The following HERPUD2 variants were observed in gnomAD, a reference collection of about 807,000 sequenced individuals.
HERPUD2 encodes homocysteine-responsive endoplasmic reticulum-resident ubiquitin-like domain member 2 protein.
HERPUD2 carries 13 observed loss-of-function variants against 49.9 expected under a neutral mutation model. The ratio of observed to expected loss-of-function variants is 0.26; its 90% CI spans 0.17 to 0.41. The LOEUF is 0.41. Ranked by LOEUF, HERPUD2 falls within the 10% of genes least tolerant of loss-of-function variation. The probability of loss-of-function intolerance (pLI) is 1.00; values close to 1 mark genes in which losing one functional copy is unlikely to be tolerated. For missense variants in HERPUD2, 449 were observed against 492.2 expected, an observed-to-expected ratio of 0.91 and a Z score of 0.83; for synonymous variants, 172 against 171.4, an observed-to-expected ratio of 1.00 and a Z score of -0.03.
intron 5 of HERPUD2, among the ~76,000 whole-genome samples, chr7:35,652,825 G>C (rs1446085924): frequency 6.6e-6 from 1 of 152,014 alleles, no homozygotes; most frequent in Admixed American, 6.6e-5. Flanking sequence ...ACAAGAAAAA[G>C]CTGAAGGAAC....
In HERPUD2 at chr7:35,633,631, G is replaced by A. The variant is rs1200433907; in HGVS notation, c.*59C>T. On this transcript the variant is annotated 3_prime_UTR_variant, in exon 9 of 9. Coordinates refer to ENST00000311350, the MANE Select transcript of HERPUD2 (RefSeq NM_022373.5). ...TTATAAATTTTTTTGAAATTGCACT[G>A]TTATTTAAACCACTTTCCTGAAGTC... The A allele has an allele frequency of 1.3e-6, 2 of 1,503,834 alleles. No individual in the cohort carries two copies. Among genetic ancestry groups the A allele is most frequent in the Admixed American group, 2.1e-5 (1 of 47,532 alleles). The allele number at this position is 1,503,834 out of a possible 1,614,324, so 93.2% of individuals were successfully genotyped here.
chr7:35,651,066 T>C (rs1785156577), intron 5 of HERPUD2, among the ~76,000 whole-genome samples: 1 of 152,166 alleles, frequency 6.6e-6, no homozygotes, highest in Non-Finnish European at 1.5e-5. Flanking sequence ...GTGCATGCAC[T>C]ACCTGTGGGC....
intron 8 of HERPUD2, among the ~76,000 whole-genome samples, 189 bp downstream of exon 8, chr7:35,634,123 T>C (rs1282154471): frequency 2.0e-5 from 3 of 152,242 alleles, no homozygotes; most frequent in Admixed American, 6.5e-5. Context: ...TTAGTTATAA[T>C]ATATGACTGA....
chr7:35,656,184 GAAAT>G (rs766965026), intron 5 of HERPUD2, among the ~76,000 whole-genome samples: 37 of 151,712 alleles, frequency 2.4e-4, no homozygotes, highest in Non-Finnish European at 4.4e-4. Context: ...ATTAAAAAAA[GAAAT>G]AAATAAATAC....
chr7:35,638,533 T>A, intron 5 of HERPUD2, 61 bp from the exon 6 acceptor site: 1 of 1,509,466 alleles, frequency 6.6e-7, no homozygotes. Flanking sequence ...TTATTCTAAA[T>A]TTTCATTTCT....
intron 5 of HERPUD2, among the ~76,000 whole-genome samples, chr7:35,640,319 A>G (rs1250111726): frequency 2.6e-5 from 4 of 152,164 alleles, no homozygotes; most frequent in African/African-American, 4.8e-5. Flanking sequence ...ACCAATCTCT[A>G]TCATTAATAA....
At chr7:35,640,416 C>T (rs562930461) in intron 5 of HERPUD2, among the ~76,000 whole-genome samples, 2 of 152,298 alleles carry the variant, frequency 1.3e-5, no homozygotes, top group African/African-American at 4.8e-5. Context: ...AGAAAAGCCA[C>T]TAACCATTAC....
intron 2 of HERPUD2, among the ~76,000 whole-genome samples, chr7:35,691,893 T>C (rs1786198217): frequency 6.6e-6 from 1 of 151,698 alleles, no homozygotes; most frequent in African/African-American, 2.4e-5. Context: ...GTGATAAGAA[T>C]GTAAACTTAC....
At chr7:35,646,429 G>C (rs1381485923) in intron 5 of HERPUD2, among the ~76,000 whole-genome samples, 2 of 151,972 alleles carry the variant, frequency 1.3e-5, no homozygotes, top group Admixed American at 6.6e-5. Context: ...GGGCATGGTG[G>C]CACATGTCTG....
chr7:35,658,149 A>C (rs1359671315), intron 5 of HERPUD2, among the ~76,000 whole-genome samples: 4 of 152,326 alleles, frequency 2.6e-5, no homozygotes, highest in South Asian at 4.1e-4. Context: ...TTTCACCGTA[A>C]AAGAGGATGA....
In HERPUD2 at chr7:35,682,825, C is replaced by CAA. The variant is rs34729704; in HGVS notation, c.148-9549_148-9548dup. ...AACTCAACCCCTTTTACAACAGCTG[C>CAA]AAAAAAAAAAAAAAATACTTAGGAA... On this transcript the variant is annotated intron_variant, in intron 2 of 8. Transcript: ENST00000311350. Among the ~76,000 whole-genome samples the CAA allele has an allele frequency of 5.4e-4, 70 of 129,188 alleles. 1 individual carries two copies. The Middle Eastern group carries it at 0.012, about 22-fold the overall frequency. 84.8% of individuals were successfully genotyped at this position (129,188 alleles called of 152,430 possible).
At chr7:35,684,660 T>C (rs921283053) in intron 2 of HERPUD2, among the ~76,000 whole-genome samples, 8 of 152,054 alleles carry the variant, frequency 5.3e-5, no homozygotes, top group South Asian at 4.1e-4. Context: ...AACCAAACAT[T>C]GTATGTTCTC....
rs150033127 is a variant in HERPUD2, at chr7:35,673,675, G to A, written c.148-397C>T. On this transcript the variant is annotated intron_variant, in intron 2 of 8. Coordinates refer to ENST00000311350, the MANE Select transcript of HERPUD2 (RefSeq NM_022373.5). ...ATCGTCAACAGTAGGATAAAATTTCGATGTCACCAGAATCATTTTGCCTTA... is the reference window on the plus strand; with the variant it reads ...ATCGTCAACAGTAGGATAAAATTTCAATGTCACCAGAATCATTTTGCCTTA... 2.2e-3 allele frequency among the ~76,000 whole-genome samples: 332 copies of A among 152,098 alleles called. 3 individuals carry two copies. Among genetic ancestry groups the A allele is most frequent in the African/African-American group, 7.6e-3 (315 of 41,524 alleles).
At chr7:35,640,908 T>C (rs1784958801) in intron 5 of HERPUD2, among the ~76,000 whole-genome samples, 1 of 152,052 alleles carries the variant, frequency 6.6e-6, no homozygotes, top group Non-Finnish European at 1.5e-5. Context: ...TATATTCAAA[T>C]AACAGAGCTG....
chr7:35,686,403 G>A lies in HERPUD2; in HGVS notation c.147+7781C>T, dbSNP rs192578273. 5.7e-3 allele frequency among the ~76,000 whole-genome samples: 850 copies of A among 150,324 alleles called. 5 individuals are homozygous for A. The highest frequency in any genetic ancestry group is 0.048 in the Middle Eastern group (14 of 292). Reference sequence around the variant, plus strand: ...GGGGTTTCACCGTGTTAGCCAGCATGGTCTCGATCTCCTGATCTCATGATC... The same window carrying A: ...GGGGTTTCACCGTGTTAGCCAGCATAGTCTCGATCTCCTGATCTCATGATC... On this transcript the variant is annotated intron_variant, in intron 2 of 8. Coordinates refer to ENST00000311350, the MANE Select transcript of HERPUD2 (RefSeq NM_022373.5).
intron 2 of HERPUD2, among the ~76,000 whole-genome samples, chr7:35,674,378 C>CATATATATAT (rs1562682656): frequency 0.024 from 839 of 34,624 alleles, 100 homozygotes; most frequent in Middle Eastern, 0.056. Flanking sequence ...AGTCTTACAA[C>CATATATATAT]CTATATATAT....
intron 5 of HERPUD2, among the ~76,000 whole-genome samples, chr7:35,645,224 A>C (rs1785031361): frequency 1.3e-5 from 2 of 152,234 alleles, no homozygotes; most frequent in South Asian, 4.1e-4. Flanking sequence ...TGACTGTTTA[A>C]CCTAAATATC....
At chr7:35,633,966 T>A in intron 8 of HERPUD2, 115 bp from the exon 9 acceptor site, 1 of 1,086,314 alleles carries the variant, frequency 9.2e-7, no homozygotes. Flanking sequence ...ATGTATGTGG[T>A]CATTAGAAAT....
chr7:35,660,847 T>C (rs1272896617), intron 5 of HERPUD2, among the ~76,000 whole-genome samples: 1 of 152,230 alleles, frequency 6.6e-6, no homozygotes, highest in African/African-American at 2.4e-5. Context: ...ACTCTGATGG[T>C]AGTTTATTTT....
Sources: allele counts gnomAD v4.1 joint callset (sites outside exome capture counted in the v4.1 genomes callset), GRCh38; gene constraint gnomAD v4.1.1; transcripts MANE v1.5; gene names NCBI Gene and HGNC (gene_info 2026-07-23, HGNC 2026-07-21).